SPIRE1: variants seen among roughly 807,000 people sequenced by gnomAD.
SPIRE1 encodes protein spire homolog 1.
In SPIRE1, 40 loss-of-function variants were observed where a neutral mutation model predicts 94.1. The ratio of observed to expected loss-of-function variants is 0.43; its 90% CI spans 0.33 to 0.55. The LOEUF is 0.55. Ranked by LOEUF, SPIRE1 falls within the 20% of genes least tolerant of loss-of-function variation. The pLI is 0.06. For missense variants in SPIRE1, 838 were observed against 975.2 expected (o/e 0.86, Z 1.87); for synonymous variants, 376 against 371.7 (o/e 1.01, Z -0.13).
chr18:12,459,404 T>C (rs568380305), intron 12 of SPIRE1, among the ~76,000 whole-genome samples: 83 of 152,290 alleles, frequency 5.5e-4, no homozygotes, highest in African/African-American at 1.9e-3. Flanking sequence ...AATACTCTTC[T>C]GATGGTGGGG....
chr18:12,635,499 T>G (rs2144820662), intron 1 of SPIRE1, among the ~76,000 whole-genome samples: 1 of 152,326 alleles, frequency 6.6e-6, no homozygotes. Context: ...ATTTCCAGTT[T>G]AAAGATACAG....
chr18:12,464,956 T>A lies in SPIRE1; in HGVS notation c.1407A>T (p.Glu469Asp). The A allele has an allele frequency of 6.2e-7, 1 of 1,613,948 alleles. No homozygotes were observed. The highest frequency in any genetic ancestry group is 8.5e-7 in the Non-Finnish European group (1 of 1,179,928). Residue 469 changes from glutamate to aspartate, a missense_variant and splice_region_variant, in exon 11 of 17, where the codon GAA becomes GAT. By Grantham distance (45) the Glu-to-Asp change is conservative. This residue lies in a region of SPIRE1 where 645 missense variants were observed against 804.7 expected (regional missense o/e 0.80). Coordinates refer to ENST00000409402, the MANE Select transcript of SPIRE1 (RefSeq NM_001128626.2). ...LAELDSSESEEETLHKSTSSS... is the reference protein window; with the variant it reads ...LAELDSSESEDETLHKSTSSS... ...TGCTGGTCGACTTGTGCAGCGTTTC[T>A]TCCTGAGCAAAGTACAGGTGGAGAA...
upstream of SPIRE1, chr18:12,658,797 C>T (rs1317835637): frequency 3.2e-6 from 1 of 312,924 alleles, no homozygotes; most frequent in African/African-American, 2.2e-5. Flanking sequence ...AGACGGGGAT[C>T]TTTACGGGTT....
At chr18:12,561,900 C>A (rs1213640368) in intron 2 of SPIRE1, among the ~76,000 whole-genome samples, 2 of 152,120 alleles carry the variant, frequency 1.3e-5, no homozygotes, top group Non-Finnish European at 2.9e-5. Context: ...TTGGGTGCCA[C>A]AATTGCAAAA....
chr18:12,479,126 C>T (rs2032739792), intron 10 of SPIRE1, among the ~76,000 whole-genome samples: 2 of 149,526 alleles, frequency 1.3e-5, no homozygotes, highest in African/African-American at 2.5e-5. Flanking sequence ...TTTAAGACTA[C>T]ATATATGTGT....
chr18:12,625,314 A>C (rs1374048188), intron 2 of SPIRE1, among the ~76,000 whole-genome samples: 4 of 152,178 alleles, frequency 2.6e-5, no homozygotes, highest in African/African-American at 9.7e-5. Context: ...GGGGTCTTTA[A>C]TCCAAAAAGA....
chr18:12,650,576 G>T (rs781557856), intron 1 of SPIRE1, among the ~76,000 whole-genome samples: 1 of 152,084 alleles, frequency 6.6e-6, no homozygotes, highest in Non-Finnish European at 1.5e-5. Flanking sequence ...TGGGCGTGAT[G>T]GCACGTGCCT....
intron 2 of SPIRE1, among the ~76,000 whole-genome samples, chr18:12,581,909 T>G (rs2036267762): frequency 6.6e-6 from 1 of 152,164 alleles, no homozygotes; most frequent in African/African-American, 2.4e-5. Flanking sequence ...ATGCTTAGTT[T>G]CAGAACACAG....
intron 2 of SPIRE1, among the ~76,000 whole-genome samples, chr18:12,578,460 T>C (rs1347363680): frequency 1.3e-5 from 2 of 152,218 alleles, no homozygotes; most frequent in Admixed American, 1.3e-4. Flanking sequence ...ACACATTCTG[T>C]ATAGTTCAAT....
At chr18:12,568,212 C>T (rs969723867) in intron 2 of SPIRE1, among the ~76,000 whole-genome samples, 2 of 152,174 alleles carry the variant, frequency 1.3e-5, no homozygotes, top group Admixed American at 1.3e-4. Context: ...CTGGACCTTC[C>T]CAGGGTGGGA....
intron 4 of SPIRE1, among the ~76,000 whole-genome samples, chr18:12,523,838 C>A (rs1283282425): frequency 6.6e-6 from 1 of 152,136 alleles, no homozygotes; most frequent in African/African-American, 2.4e-5. Context: ...CATGAGCCAC[C>A]ATGCCAGGTT....
chr18:12,516,355 C>CT (rs1040035190), intron 4 of SPIRE1: 6 of 152,166 alleles, frequency 3.9e-5, no homozygotes, highest in African/African-American at 1.4e-4. Context: ...AAATCTTCCT[C>CT]TAAGACTTTT....
In SPIRE1 at chr18:12,657,876, G is replaced by T. The variant is rs1017142835; in HGVS notation, c.-10C>A. On this transcript the variant is annotated 5_prime_UTR_variant, in exon 1 of 17. Transcript: ENST00000409402. The stretch of plus-strand genomic sequence containing the variant: ...CAGCCGCCTGAGCCATCCCGCGGGT[G>T]GGCGCTGCGCTCGGCAGTCGCGCCG... 2.8e-6 allele frequency: 3 copies of T among 1,056,718 alleles called. No individual in the cohort carries two copies. Among genetic ancestry groups the T allele is most frequent in the African/African-American group, 3.4e-5 (2 of 58,482 alleles). The allele number at this position is 1,056,718 out of a possible 1,614,324, so 65.5% of individuals were successfully genotyped here.
At chr18:12,535,649 T>G (rs761851693) in intron 3 of SPIRE1, 48 bp from the exon 4 acceptor site, 2 of 1,573,476 alleles carry the variant, frequency 1.3e-6, no homozygotes, top group South Asian at 2.2e-5. Flanking sequence ...CTATTTGGGT[T>G]TTTTTTGTAC....
chr18:12,608,802 C>T (rs747897998), intron 2 of SPIRE1, among the ~76,000 whole-genome samples: 1 of 152,142 alleles, frequency 6.6e-6, no homozygotes, highest in African/African-American at 2.4e-5. Context: ...CAACAACAAC[C>T]CAAGGAACAG....
intron 2 of SPIRE1, among the ~76,000 whole-genome samples, chr18:12,558,627 T>C (rs2035590051): frequency 6.6e-6 from 1 of 152,082 alleles, no homozygotes; most frequent in South Asian, 2.1e-4. Flanking sequence ...CTGATTGGTG[T>C]GTTTACAATC....
intron 10 of SPIRE1, among the ~76,000 whole-genome samples, chr18:12,478,984 ATG>A (rs902581396): frequency 6.6e-6 from 1 of 151,782 alleles, no homozygotes; most frequent in African/African-American, 2.4e-5. Context: ...GTGTGTGTAT[ATG>A]TGTGTGTGTA....
chr18:12,479,705 C>T lies in SPIRE1; in HGVS notation c.1398G>A (p.Glu466=), dbSNP rs201657940. The T allele has an allele frequency of 5.0e-6, 8 of 1,610,920 alleles. No individual in the cohort carries two copies. The highest frequency in any genetic ancestry group is 6.8e-6 in the Non-Finnish European group (8 of 1,179,080). Reference sequence around the variant, plus strand: ...GGGTGAACTGGGGCCTCACCTCAGACTCAGAGCTGTCCAGTTCGGCCAGAG... The same window carrying T: ...GGGTGAACTGGGGCCTCACCTCAGATTCAGAGCTGTCCAGTTCGGCCAGAG... ...APTLAELDSS[E]SEEETLHKST... The change falls in exon 10 of 17, where the codon GAG becomes GAA. Residue 466 remains glutamate (E), a synonymous_variant. Transcript: ENST00000409402.
chr18:12,570,750 T>C (rs2035941873), intron 2 of SPIRE1, among the ~76,000 whole-genome samples: 1 of 152,206 alleles, frequency 6.6e-6, no homozygotes, highest in South Asian at 2.1e-4. Context: ...TCTCCTACTC[T>C]GCCATGCTTG....
Sources: allele counts gnomAD v4.1 joint callset (sites outside exome capture counted in the v4.1 genomes callset), GRCh38; gene constraint gnomAD v4.1.1; regional missense constraint gnomAD v4.1.1; transcripts MANE v1.5; gene names NCBI Gene and HGNC (gene_info 2026-07-23, HGNC 2026-07-21).